CDH18: variants seen among roughly 807,000 people sequenced by gnomAD.
The protein encoded by CDH18 is cadherin 18.
Under a neutral mutation model 67.9 loss-of-function variants are expected in CDH18, and 31 were observed. The observed-to-expected ratio is 0.46, with a 90% CI of 0.34 to 0.62. CDH18 has a LOEUF of 0.62. Ranked by LOEUF, CDH18 falls within the 20% of genes least tolerant of loss-of-function variation. The pLI, the probability that CDH18 is intolerant of heterozygous loss-of-function variation, is 0.01. For missense variants in CDH18, 890 were observed against 975.5 expected (o/e 0.91, Z 1.17); for synonymous variants, 362 against 347.2 (o/e 1.04, Z -0.48).
At chr5:20,148,939 C>T (rs1034601409) in intron 2 of CDH18, among the ~76,000 whole-genome samples, 5 of 152,022 alleles carry the variant, frequency 3.3e-5, no homozygotes, top group Admixed American at 3.3e-4. Context: ...AAGACTTTCA[C>T]TCATATTCCA....
intron 11 of CDH18, among the ~76,000 whole-genome samples, chr5:19,485,680 T>C (rs1026587991): frequency 5.9e-5 from 9 of 152,194 alleles, no homozygotes; most frequent in East Asian, 3.9e-4. Flanking sequence ...TGGAAGCAGA[T>C]CTATCAGCTG....
intron 1 of CDH18, among the ~76,000 whole-genome samples, chr5:20,484,603 C>T (rs1392671687): frequency 1.3e-5 from 2 of 151,906 alleles, no homozygotes; most frequent in Non-Finnish European, 2.9e-5. Context: ...TTGGCCATAA[C>T]AAAGAATGAT....
intron 2 of CDH18, among the ~76,000 whole-genome samples, chr5:19,851,045 T>A (rs757610489): frequency 1.3e-5 from 2 of 151,892 alleles, no homozygotes; most frequent in African/African-American, 2.4e-5. Flanking sequence ...TATTAAGGTA[T>A]AACTTTGTTG....
At chr5:20,206,854 T>C (rs766518169) in intron 2 of CDH18, among the ~76,000 whole-genome samples, 1 of 151,964 alleles carries the variant, frequency 6.6e-6, no homozygotes, top group Non-Finnish European at 1.5e-5. Context: ...TATCTCAAAA[T>C]AATAAAGGTC....
At chr5:20,407,826 A>G (rs1018951985) in intron 1 of CDH18, among the ~76,000 whole-genome samples, 8 of 152,018 alleles carry the variant, frequency 5.3e-5, no homozygotes, top group Admixed American at 4.6e-4. Context: ...AGAGGAAAGG[A>G]CAGAAAACTT....
intron 1 of CDH18, among the ~76,000 whole-genome samples, chr5:20,544,948 A>G (rs1437397107): frequency 6.6e-6 from 1 of 152,174 alleles, no homozygotes; most frequent in Non-Finnish European, 1.5e-5. Context: ...GTAAAAAGCA[A>G]GTCAATTACT....
intron 2 of CDH18, among the ~76,000 whole-genome samples, chr5:19,994,920 G>A (rs563609619): frequency 7.1e-6 from 1 of 141,572 alleles, no homozygotes; most frequent in East Asian, 2.1e-4. Flanking sequence ...TGCAATTACG[G>A]AGGCTAAGAG....
At chr5:19,726,418 G>A (rs1419455755) in intron 4 of CDH18, among the ~76,000 whole-genome samples, 5 of 152,134 alleles carry the variant, frequency 3.3e-5, no homozygotes, top group African/African-American at 9.7e-5. Context: ...TGTACTATGT[G>A]TACTGTACTT....
At chr5:19,626,962 A>C (rs758614932) in intron 5 of CDH18, among the ~76,000 whole-genome samples, 14 of 152,340 alleles carry the variant, frequency 9.2e-5, no homozygotes, top group Middle Eastern at 3.4e-3. Context: ...TTAAAAAGTA[A>C]TAAATATTGA....
chr5:19,620,769 T>G (rs1175409411), intron 5 of CDH18, among the ~76,000 whole-genome samples: 1 of 152,152 alleles, frequency 6.6e-6, no homozygotes, highest in Non-Finnish European at 1.5e-5. Flanking sequence ...AAGCTCTGTC[T>G]TTCTTGCTGA....
chr5:19,679,908 C>T (rs893622036), intron 5 of CDH18, among the ~76,000 whole-genome samples: 6 of 151,934 alleles, frequency 3.9e-5, no homozygotes, highest in South Asian at 4.2e-4. Flanking sequence ...ACCAAACTAC[C>T]AATGTCATTT....
At chr5:19,757,967 C>A (rs1771830460) in intron 3 of CDH18, among the ~76,000 whole-genome samples, 1 of 152,150 alleles carries the variant, frequency 6.6e-6, no homozygotes, top group Non-Finnish European at 1.5e-5. Context: ...TCGTGCAGAA[C>A]CATCTGTGAA....
At chr5:20,431,487 C>CAAAAAAAAAAAAAAA (rs560015111) in intron 1 of CDH18, among the ~76,000 whole-genome samples, 1 of 66,202 alleles carries the variant, frequency 1.5e-5, no homozygotes, top group Non-Finnish European at 3.0e-5. Flanking sequence ...GAGTGAAACT[C>CAAAAAAAAAAAAAAA]AAAAAAAAAA....
At chr5:19,623,136 G>C (rs1750969174) in intron 5 of CDH18, among the ~76,000 whole-genome samples, 2 of 152,066 alleles carry the variant, frequency 1.3e-5, no homozygotes, top group African/African-American at 4.8e-5. Flanking sequence ...ACTCACAAAT[G>C]GAATATTTCA....
chr5:20,395,640 G>T (rs1397894286), intron 1 of CDH18, among the ~76,000 whole-genome samples: 1 of 152,150 alleles, frequency 6.6e-6, no homozygotes, highest in Non-Finnish European at 1.5e-5. Context: ...TTACATCAAA[G>T]TTATAATGTC....
intron 2 of CDH18, among the ~76,000 whole-genome samples, chr5:19,922,752 A>G (rs1444362837): frequency 6.6e-6 from 1 of 152,102 alleles, no homozygotes; most frequent in Non-Finnish European, 1.5e-5. Flanking sequence ...TTATTTTTCC[A>G]TTATTCTACT....
At chr5:19,753,328 T>G (rs1771107861) in intron 3 of CDH18, among the ~76,000 whole-genome samples, 1 of 152,082 alleles carries the variant, frequency 6.6e-6, no homozygotes, top group Admixed American at 6.6e-5. Flanking sequence ...TGAAATAGAT[T>G]GCATAAACAA....
At chr5:20,341,637 C>A (rs58252920) in intron 1 of CDH18, among the ~76,000 whole-genome samples, 8,012 of 151,806 alleles carry the variant, frequency 0.053, 678 homozygotes, top group African/African-American at 0.18. Flanking sequence ...CTGACTAATA[C>A]ATATTTTGGT....
rs58318722 is a variant in CDH18, at chr5:20,372,833, T to G, written c.-579-117328A>C. Among the ~76,000 whole-genome samples, 627 of 151,268 alleles carry G rather than the reference T, an allele frequency of 4.1e-3. 6 individuals carry two copies. The highest frequency in any genetic ancestry group is 0.015 in the African/African-American group (594 of 40,928). On this transcript the variant is annotated intron_variant, in intron 1 of 14. Coordinates refer to the CDH18 transcript ENST00000507958. ...TTCAAGCAAGTCATCAGTTTGGATA[T>G]TTTTTATTTTTTTTTCCCTTGGATA... is the stretch of plus-strand genomic sequence containing the variant.
Sources: allele counts gnomAD v4.1 joint callset (sites outside exome capture counted in the v4.1 genomes callset), GRCh38; gene constraint gnomAD v4.1.1; transcripts MANE v1.5; gene names NCBI Gene and HGNC (gene_info 2026-07-23, HGNC 2026-07-21).